The following KLHDC1 variants were observed in gnomAD, a reference collection of about 807,000 sequenced individuals.
KLHDC1 encodes the protein kelch domain-containing protein 1.
Under a neutral mutation model 68.3 loss-of-function variants are expected in KLHDC1, and 53 were observed. The ratio of observed to expected loss-of-function variants is 0.78; its 90% CI spans 0.62 to 0.98. KLHDC1 has a LOEUF of 0.98. Ranked by LOEUF, KLHDC1 falls within the 50% of genes least tolerant of loss-of-function variation. The probability of loss-of-function intolerance (pLI) is 0.00; values close to 1 mark genes in which losing one functional copy is unlikely to be tolerated. For missense variants in KLHDC1, 470 were observed against 492.3 expected, an observed-to-expected ratio of 0.95 and a Z score of 0.43; for synonymous variants, 148 against 159.0, an observed-to-expected ratio of 0.93 and a Z score of 0.52.
At chr14:49,714,334 G>A (rs867927363) in intron 4 of KLHDC1, among the ~76,000 whole-genome samples, 3 of 151,738 alleles carry the variant, frequency 2.0e-5, no homozygotes, top group African/African-American at 4.8e-5. Flanking sequence ...TTAGCCAGGC[G>A]TGGTGGCAGG....
Position 49,701,894 on chromosome 14 carries a change from C to T in KLHDC1, c.97-7265C>T, listed in dbSNP as rs563149899. On this transcript the variant is annotated intron_variant, in intron 1 of 12. Transcript: ENST00000359332. ...ACTAAAAATACAAAAATTAGCCGGG[C>T]GTGGTGGCTCACGCCTGTAATCCCA... Among the ~76,000 whole-genome samples, 9 of 151,110 alleles carry T rather than the reference C, an allele frequency of 6.0e-5. No individual in the cohort carries two copies. The South Asian group carries it at 8.4e-4, about 14-fold the overall frequency.
At chr14:49,718,783 T>C (rs1416584716) in intron 4 of KLHDC1, among the ~76,000 whole-genome samples, 1 of 137,206 alleles carries the variant, frequency 7.3e-6, no homozygotes, top group African/African-American at 2.7e-5. Flanking sequence ...TTTTTTTTTT[T>C]TTTTTTTTTT....
intron 1 of KLHDC1, 55 bp downstream of exon 1, chr14:49,693,345 G>GC: frequency 8.1e-7 from 1 of 1,229,636 alleles, no homozygotes; most frequent in Non-Finnish European, 1.1e-6. Flanking sequence ...CTCGGCCTGA[G>GC]CGGACGCAGC....
intron 4 of KLHDC1, among the ~76,000 whole-genome samples, chr14:49,718,929 A>C (rs554560690): frequency 6.6e-6 from 1 of 150,950 alleles, no homozygotes; most frequent in African/African-American, 2.4e-5. Flanking sequence ...GCCGCCTGCC[A>C]CTACACCCAC....
At chr14:49,732,670 T>C in intron 8 of KLHDC1, 34 bp from the exon 9 acceptor site, 1 of 1,075,128 alleles carries the variant, frequency 9.3e-7, no homozygotes. Flanking sequence ...TTGATTAATA[T>C]AGTACCTAGA....
At chr14:49,724,925 T>C (rs1888627661) in intron 5 of KLHDC1, among the ~76,000 whole-genome samples, 1 of 151,996 alleles carries the variant, frequency 6.6e-6, no homozygotes, top group Non-Finnish European at 1.5e-5. Context: ...AAGGATCACT[T>C]GTACCAAGGA....
intron 6 of KLHDC1, among the ~76,000 whole-genome samples, chr14:49,726,873 TGGCTCATTTA>T (rs920533726): frequency 1.3e-5 from 2 of 152,230 alleles, no homozygotes; most frequent in African/African-American, 4.8e-5. Flanking sequence ...GCAGACACAC[TGGCTCATTTA>T]GGAGGGAATA....
chr14:49,749,002 T>C (rs1889262347), intron 12 of KLHDC1, among the ~76,000 whole-genome samples: 2 of 151,982 alleles, frequency 1.3e-5, no homozygotes, highest in African/African-American at 4.8e-5. Flanking sequence ...GATTTCACCA[T>C]ATTGGCCAGC....
chr14:49,735,772 A>C (rs922030405), intron 10 of KLHDC1, among the ~76,000 whole-genome samples: 3 of 152,156 alleles, frequency 2.0e-5, no homozygotes, highest in African/African-American at 7.2e-5. Context: ...GCAATTTGGG[A>C]GGCCAAGGCA....
intron 1 of KLHDC1, among the ~76,000 whole-genome samples, chr14:49,703,473 G>A (rs1264155876): frequency 1.3e-5 from 2 of 151,946 alleles, no homozygotes; most frequent in Non-Finnish European, 2.9e-5. Context: ...CTCCCAAGTA[G>A]CTGGGATTAC....
In KLHDC1 at chr14:49,707,297, TGA is replaced by T. The variant is rs762892306; in HGVS notation, c.97-1841_97-1840del. ...ATGTGTGTGTGTGTGTGTGTGTGTGTGAGAGAGAGAGAGAGAGAGAGACATGG... is the reference window on the plus strand; with the variant it reads ...ATGTGTGTGTGTGTGTGTGTGTGTGTGAGAGAGAGAGAGAGAGAGACATGG... On this transcript the variant is annotated intron_variant, in intron 1 of 12. Transcript: ENST00000359332. Among the ~76,000 whole-genome samples, 42 of 120,826 alleles carry T rather than the reference TGA, an allele frequency of 3.5e-4. 1 individual carries two copies. In the South Asian group the frequency reaches 4.9e-3, roughly 14 times the overall value. The allele number at this position is 120,826 out of a possible 152,430, so 79.3% of individuals were successfully genotyped here.
chr14:49,726,876 C>T (rs1299967600), intron 6 of KLHDC1, among the ~76,000 whole-genome samples: 1 of 152,146 alleles, frequency 6.6e-6, no homozygotes, highest in Non-Finnish European at 1.5e-5. Context: ...GACACACTGG[C>T]TCATTTAGGA....
intron 12 of KLHDC1, among the ~76,000 whole-genome samples, chr14:49,747,766 C>T (rs748956829): frequency 4.0e-4 from 61 of 152,194 alleles, no homozygotes; most frequent in East Asian, 7.7e-4. Context: ...CAAAGTAGCA[C>T]GCAGCTGAGG....
At chr14:49,712,502 CTTT>C (rs776185436) in intron 4 of KLHDC1, among the ~76,000 whole-genome samples, 3 of 133,644 alleles carry the variant, frequency 2.2e-5, no homozygotes, top group South Asian at 2.4e-4. Context: ...CATAGATTTT[CTTT>C]TTTTTTTTTT....
At position 49,693,206 on chromosome 14, in the gene KLHDC1, T is replaced by C. The variant is rs993992936; in HGVS notation, c.12T>C (p.Ser4=). Residue 4 remains serine (S), a synonymous_variant, in exon 1 of 13, where the codon TCT becomes TCC. Transcript: ENST00000359332. MAD[S]QLFCVAEERS... ...CAGCGACGGCGCGAATGGCGGACTCTCAGCTGTTCTGTGTGGCGGAGGAAC... is the reference window on the plus strand; with the variant it reads ...CAGCGACGGCGCGAATGGCGGACTCCCAGCTGTTCTGTGTGGCGGAGGAAC... 3 of 1,582,480 alleles carry C rather than the reference T, an allele frequency of 1.9e-6. No individual in the cohort carries two copies. Among genetic ancestry groups the C allele is most frequent in the Middle Eastern group, 1.7e-4 (1 of 5,970 alleles).
rs1031822733 is a variant in KLHDC1, at chr14:49,729,524, T to C, written c.686T>C (p.Leu229Pro). 6.8e-6 allele frequency: 11 copies of C among 1,610,488 alleles called. No individual in the cohort carries two copies. Among genetic ancestry groups the C allele is most frequent in the Non-Finnish European group, 9.3e-6 (11 of 1,177,048 alleles). Residue 229 changes from leucine to proline, a missense_variant, in exon 8 of 13, where the codon CTA (leucine) becomes CCA (proline). Coordinates refer to ENST00000359332, the MANE Select transcript of KLHDC1 (RefSeq NM_172193.3). ...TRMNDLHYLN[L>P]DTWTWSGRIT... ...ATGAATGATTTGCACTATCTAAACC[T>C]AGACACCTGGACTTGGTCTGGAAGG...
rs200812928 is a variant in KLHDC1 at position 49,732,768 on chromosome 14, G to A, written c.775G>A (p.Asp259Asn). The A allele has an allele frequency of 4.6e-5, 74 of 1,610,032 alleles. No individual in the cohort carries two copies. In the Admixed American group the frequency reaches 1.2e-3, roughly 26 times the overall value. The change falls in exon 9 of 13, where the codon GAT (aspartate) becomes AAT (asparagine). Residue 259 changes from aspartate (D) to asparagine (N), a missense_variant. By Grantham distance (23) the Asp-to-Asn change is conservative. Transcript: ENST00000359332. The part of the protein sequence containing the change: ...SWHTLTPIAD[D>N]KLFLCGGLSA... ...GCATACTTTAACACCTATAGCTGAT[G>A]ATAAACTTTTCCTATGTGGTGGACT... is the stretch of plus-strand genomic sequence containing the variant.
At chr14:49,698,673 G>T (rs989695590) in intron 1 of KLHDC1, among the ~76,000 whole-genome samples, 1 of 151,318 alleles carries the variant, frequency 6.6e-6, no homozygotes, top group Non-Finnish European at 1.5e-5. Flanking sequence ...ATGCCACCAC[G>T]CCCAGCTAGT....
At chr14:49,718,769 CTTTTTT>C (rs71115397) in intron 4 of KLHDC1, among the ~76,000 whole-genome samples, 1 of 76,846 alleles carries the variant, frequency 1.3e-5, no homozygotes, top group Non-Finnish European at 2.4e-5. Context: ...TTCTTTCTTT[CTTTTTT>C]TTTTTTTTTT....
Sources: allele counts gnomAD v4.1 joint callset (sites outside exome capture counted in the v4.1 genomes callset), GRCh38; gene constraint gnomAD v4.1.1; transcripts MANE v1.5; gene names NCBI Gene and HGNC (gene_info 2026-07-23, HGNC 2026-07-21).